Variants in ARHGAP10 observed in about 807,000 individuals in gnomAD.
The protein encoded by ARHGAP10 is Rho GTPase activating protein 10.
A neutral mutation model predicts 108.6 loss-of-function variants in ARHGAP10; 87 were observed. The ratio of observed to expected loss-of-function variants is 0.80; its 90% CI spans 0.67 to 0.96. The LOEUF is 0.96. Ranked by LOEUF, ARHGAP10 falls within the 40% of genes least tolerant of loss-of-function variation. The pLI, the probability that ARHGAP10 is intolerant of heterozygous loss-of-function variation, is 0.00. For synonymous variants in ARHGAP10, 347 were observed against 341.1 expected, an observed-to-expected ratio of 1.02 and a Z score of -0.19; for missense variants, 939 against 954.5, an observed-to-expected ratio of 0.98 and a Z score of 0.21.
intron 7 of ARHGAP10, among the ~76,000 whole-genome samples, chr4:147,870,928 CTGTGTGTGTGTGTGTG>C (rs57348496): frequency 0.13 from 18,330 of 139,176 alleles, 1,386 homozygotes; most frequent in East Asian, 0.23. Context: ...AAACTACAGA[CTGTGTGTGTGTGTGTG>C]TGTGTGTGTG....
intron 1 of ARHGAP10, among the ~76,000 whole-genome samples, chr4:147,765,368 A>C (rs17579029): frequency 0.056 from 7,965 of 143,208 alleles, 297 homozygotes; most frequent in South Asian, 0.16. Flanking sequence ...GTGTATTTCA[A>C]TGTGCCACGC....
intron 20 of ARHGAP10, among the ~76,000 whole-genome samples, chr4:148,062,631 T>C (rs1729671112): frequency 6.6e-6 from 1 of 152,234 alleles, no homozygotes; most frequent in South Asian, 2.1e-4. Flanking sequence ...CAGAAGTTTT[T>C]GCTGTTCATT....
chr4:147,878,808 G>T (rs1248424409), intron 8 of ARHGAP10, among the ~76,000 whole-genome samples: 5 of 122,666 alleles, frequency 4.1e-5, no homozygotes, highest in Non-Finnish European at 6.3e-5. Flanking sequence ...TCGGAGTCTC[G>T]CTCTGTTGCC....
At chr4:148,019,126 T>G (rs567687048) in intron 18 of ARHGAP10, among the ~76,000 whole-genome samples, 1 of 152,348 alleles carries the variant, frequency 6.6e-6, no homozygotes, top group Non-Finnish European at 1.5e-5. Flanking sequence ...CACTTGTTAC[T>G]TTTCTTTAGC....
At chr4:147,960,476 T>C (rs2126990505) in intron 16 of ARHGAP10, among the ~76,000 whole-genome samples, 1 of 152,314 alleles carries the variant, frequency 6.6e-6, no homozygotes, top group Non-Finnish European at 1.5e-5. Context: ...TTAATGACAC[T>C]GAAAAATATC....
At chr4:147,881,459 G>T (rs1057059436) in intron 9 of ARHGAP10, among the ~76,000 whole-genome samples, 10 of 152,156 alleles carry the variant, frequency 6.6e-5, no homozygotes, top group Non-Finnish European at 1.0e-4. Context: ...CCAACATGGT[G>T]AAACCCTGTT....
chr4:147,940,193 G>A (rs987309399), intron 14 of ARHGAP10, among the ~76,000 whole-genome samples: 1 of 152,180 alleles, frequency 6.6e-6, no homozygotes, highest in African/African-American at 2.4e-5. Flanking sequence ...TATGATTTGC[G>A]TGGCTTCCAA....
At chr4:147,871,783 A>G (rs1022199751) in intron 7 of ARHGAP10, among the ~76,000 whole-genome samples, 9 of 152,228 alleles carry the variant, frequency 5.9e-5, no homozygotes, top group South Asian at 2.1e-4. Flanking sequence ...TTTTCAATTC[A>G]TAATTTACCT....
intron 8 of ARHGAP10, among the ~76,000 whole-genome samples, chr4:147,877,700 C>T (rs1254447936): frequency 6.6e-6 from 1 of 152,078 alleles, no homozygotes; most frequent in Non-Finnish European, 1.5e-5. Flanking sequence ...CAGCATTGTC[C>T]TGTGAGCCCT....
intron 1 of ARHGAP10, among the ~76,000 whole-genome samples, chr4:147,803,434 C>T (rs1484641115): frequency 6.6e-6 from 1 of 152,188 alleles, no homozygotes; most frequent in African/African-American, 2.4e-5. Flanking sequence ...TTGCCTCAAA[C>T]ATTTATCATG....
chr4:147,851,353 C>T (rs1352124185), intron 4 of ARHGAP10, among the ~76,000 whole-genome samples: 1 of 151,944 alleles, frequency 6.6e-6, no homozygotes, highest in Admixed American at 6.6e-5. Flanking sequence ...GCCAGGACTA[C>T]AGATGCCTGC....
intron 18 of ARHGAP10, among the ~76,000 whole-genome samples, chr4:147,985,437 C>T (rs1158001688): frequency 2.6e-5 from 4 of 152,194 alleles, no homozygotes; most frequent in African/African-American, 9.6e-5. Flanking sequence ...AGTTCCAGGC[C>T]ACCAAGCTGG....
At chr4:148,008,681 G>A (rs1741046656) in intron 18 of ARHGAP10, among the ~76,000 whole-genome samples, 1 of 152,038 alleles carries the variant, frequency 6.6e-6, no homozygotes, top group South Asian at 2.1e-4. Context: ...TTAATCAGAC[G>A]TACTATATCA....
intron 1 of ARHGAP10, among the ~76,000 whole-genome samples, chr4:147,792,115 A>G (rs946346564): frequency 6.6e-6 from 1 of 152,204 alleles, no homozygotes; most frequent in African/African-American, 2.4e-5. Context: ...GATAGTACAC[A>G]TTGCTTTACA....
At chr4:147,826,703 C>G (rs1732723392) in intron 3 of ARHGAP10, among the ~76,000 whole-genome samples, 1 of 152,164 alleles carries the variant, frequency 6.6e-6, no homozygotes, top group Non-Finnish European at 1.5e-5. Context: ...ACCCCCTGCT[C>G]TCCTCATTAT....
chr4:147,895,966 C>G (rs1174610636), intron 10 of ARHGAP10, among the ~76,000 whole-genome samples: 1 of 152,140 alleles, frequency 6.6e-6, no homozygotes, highest in Non-Finnish European at 1.5e-5. Context: ...AAATGTTTCT[C>G]AGTGTCTCTT....
intron 6 of ARHGAP10, chr4:147,866,477 C>CTAT: frequency 2.4e-6 from 1 of 417,448 alleles, no homozygotes; most frequent in South Asian, 4.4e-5. Context: ...CAGAACATGC[C>CTAT]ATATAAGCTG....
intron 18 of ARHGAP10, among the ~76,000 whole-genome samples, chr4:148,019,976 A>AT (rs920433109): frequency 2.0e-5 from 3 of 151,928 alleles, no homozygotes; most frequent in African/African-American, 4.8e-5. Flanking sequence ...ATGAATTTCA[A>AT]TTTTTTTTGA....
rs796595120 is a variant in ARHGAP10, at chr4:147,763,771, T to A, written c.154+31316T>A. 2.4e-3 allele frequency among the ~76,000 whole-genome samples: 352 copies of A among 143,872 alleles called. 4 individuals are homozygous for A. The highest frequency in any genetic ancestry group is 7.6e-3 in the African/African-American group (295 of 38,720). 94.4% of individuals were successfully genotyped at this position (143,872 alleles called of 152,430 possible). ...CTTTTTTTTTTTTTTTTTTTTTTTT[T>A]AAAAACAGAGTTTTGCTGTGTTGCC... On this transcript the variant is annotated intron_variant, in intron 1 of 22. Coordinates refer to ENST00000336498, the MANE Select transcript of ARHGAP10 (RefSeq NM_024605.4).
Sources: gnomAD v4.1 joint callset for allele counts (sites outside exome capture counted in the v4.1 genomes callset) on GRCh38, gnomAD v4.1.1 for gene constraint, MANE v1.5 for transcripts, NCBI Gene and HGNC (gene_info 2026-07-23, HGNC 2026-07-21) for gene names.